Variants in NTM observed in about 807,000 individuals in gnomAD.
NTM encodes neurotrimin.
A neutral mutation model predicts 42.1 loss-of-function variants in NTM; 13 were observed. The ratio of observed to expected loss-of-function variants is 0.31; its 90% confidence interval spans 0.20 to 0.49. The LOEUF (loss-of-function observed/expected upper bound fraction) is 0.49, where lower values mean the gene tolerates loss of function less well. NTM is among the 20% of genes least tolerant of loss of function. The pLI is 0.99. For missense variants in NTM, 373 were observed against 452.8 expected (o/e 0.82, Z 1.60); for synonymous variants, 187 against 179.2 (o/e 1.04, Z -0.35).
chr11:131,480,745 T>G (rs1953487176), intron 1 of NTM, among the ~76,000 whole-genome samples: 1 of 152,070 alleles, frequency 6.6e-6, no homozygotes, highest in Non-Finnish European at 1.5e-5. Flanking sequence ...AACCGTGGTC[T>G]TCCAGGAAGA....
intron 1 of NTM, among the ~76,000 whole-genome samples, chr11:131,646,621 T>G (rs1017553313): frequency 5.9e-5 from 9 of 152,214 alleles, no homozygotes. Flanking sequence ...GTACTAAAAT[T>G]TTTTGTGTAT....
chr11:131,567,462 T>A (rs1355168742), intron 1 of NTM, among the ~76,000 whole-genome samples: 5 of 152,008 alleles, frequency 3.3e-5, no homozygotes, highest in Non-Finnish European at 7.4e-5. Context: ...CACTCCAGCC[T>A]GGGCAATAGA....
chr11:131,709,975 G>A (rs1228121655), intron 1 of NTM, among the ~76,000 whole-genome samples: 1 of 152,154 alleles, frequency 6.6e-6, no homozygotes, highest in Non-Finnish European at 1.5e-5. Flanking sequence ...AAGAGGAAAT[G>A]CTTAGCAGTG....
chr11:132,265,926 C>T (rs1403993731), intron 4 of NTM, among the ~76,000 whole-genome samples: 3 of 152,128 alleles, frequency 2.0e-5, no homozygotes, highest in African/African-American at 7.2e-5. Context: ...TTGGGATTTC[C>T]CACCTGTCCA....
intron 2 of NTM, among the ~76,000 whole-genome samples, chr11:132,046,451 A>G (rs2078008599): frequency 6.6e-6 from 1 of 152,134 alleles, no homozygotes; most frequent in African/African-American, 2.4e-5. Context: ...GGGAAATCAT[A>G]CATCTTTACT....
At chr11:131,486,564 A>T (rs930641861) in intron 1 of NTM, among the ~76,000 whole-genome samples, 2 of 152,132 alleles carry the variant, frequency 1.3e-5, no homozygotes, top group Non-Finnish European at 2.9e-5. Flanking sequence ...TGATTCCCAG[A>T]TTGAGTTTTT....
intron 3 of NTM, among the ~76,000 whole-genome samples, chr11:132,163,816 G>A (rs2074817268): frequency 6.6e-6 from 1 of 152,200 alleles, no homozygotes; most frequent in Non-Finnish European, 1.5e-5. Flanking sequence ...TTGGGGTATT[G>A]TTAGGCAATA....
chr11:132,331,770 A>T (rs2095804430), intron 8 of NTM, among the ~76,000 whole-genome samples: 2 of 152,168 alleles, frequency 1.3e-5, no homozygotes, highest in African/African-American at 2.4e-5. Flanking sequence ...TGCCTGCAAG[A>T]GGTGCTGAAG....
At chr11:132,115,813 A>C (rs896322124) in intron 2 of NTM, among the ~76,000 whole-genome samples, 2 of 152,216 alleles carry the variant, frequency 1.3e-5, no homozygotes, top group Non-Finnish European at 2.9e-5. Flanking sequence ...CTTTACCTGC[A>C]AATCATTCAC....
At chr11:132,220,704 C>A (rs1191436939) in intron 4 of NTM, among the ~76,000 whole-genome samples, 4 of 152,188 alleles carry the variant, frequency 2.6e-5, no homozygotes, top group Non-Finnish European at 4.4e-5. Context: ...CATCCTCCCC[C>A]ACACTCTCCA....
chr11:131,716,415 G>A (rs942030839), intron 1 of NTM, among the ~76,000 whole-genome samples: 3 of 152,124 alleles, frequency 2.0e-5, no homozygotes, highest in East Asian at 3.9e-4. Flanking sequence ...GAATCATATC[G>A]TAGGTGTATA....
intron 3 of NTM, among the ~76,000 whole-genome samples, chr11:132,203,461 CTG>C (rs2081453477): frequency 6.6e-6 from 1 of 152,116 alleles, no homozygotes; most frequent in Non-Finnish European, 1.5e-5. Flanking sequence ...CAGCTAGTAA[CTG>C]TGGGGTGTGG....
At chr11:131,509,925 G>C (rs574044238) in intron 1 of NTM, among the ~76,000 whole-genome samples, 19 of 152,110 alleles carry the variant, frequency 1.2e-4, no homozygotes, top group African/African-American at 4.3e-4. Flanking sequence ...ACATATCTCA[G>C]GGCATCAAAG....
At chr11:132,181,811 G>T (rs1323990993) in intron 3 of NTM, among the ~76,000 whole-genome samples, 4 of 151,950 alleles carry the variant, frequency 2.6e-5, no homozygotes, top group Non-Finnish European at 4.4e-5. Context: ...CTGTATCTTT[G>T]CATTTTTAAC....
chr11:131,701,635 G>C (rs1205028449), intron 1 of NTM, among the ~76,000 whole-genome samples: 1 of 152,152 alleles, frequency 6.6e-6, no homozygotes, highest in African/African-American at 2.4e-5. Flanking sequence ...CATATTTCTG[G>C]AAAAGTATAT....
chr11:132,066,783 T>A (rs2056564725), intron 2 of NTM, among the ~76,000 whole-genome samples: 2 of 152,186 alleles, frequency 1.3e-5, no homozygotes, highest in African/African-American at 2.4e-5. Context: ...ATGAATTAAT[T>A]GCATTGCATT....
At chr11:131,625,417 A>G (rs1273897018) in intron 1 of NTM, among the ~76,000 whole-genome samples, 1 of 152,208 alleles carries the variant, frequency 6.6e-6, no homozygotes, top group Non-Finnish European at 1.5e-5. Flanking sequence ...AAGGCAATCC[A>G]GTCGCTTCTT....
intron 1 of NTM, among the ~76,000 whole-genome samples, chr11:131,444,959 C>G (rs888690086): frequency 2.6e-5 from 4 of 152,154 alleles, no homozygotes; most frequent in African/African-American, 9.7e-5. Context: ...GCTTCTCAAA[C>G]TTTTCCATAA....
At chr11:132,160,175 T>C (rs2073997229) in intron 3 of NTM, among the ~76,000 whole-genome samples, 1 of 152,246 alleles carries the variant, frequency 6.6e-6, no homozygotes, top group South Asian at 2.1e-4. Flanking sequence ...GGCAGCATGC[T>C]GCCCATTTGG....
Sources: allele counts gnomAD v4.1 joint callset (sites outside exome capture counted in the v4.1 genomes callset), GRCh38; gene constraint gnomAD v4.1.1; transcripts MANE v1.5; gene names NCBI Gene and HGNC (gene_info 2026-07-23, HGNC 2026-07-21).